SCUBE3: variants seen among roughly 807,000 people sequenced by gnomAD.
SCUBE3 encodes signal peptide, CUB and EGF-like domain-containing protein 3.
Under a neutral mutation model 116.8 loss-of-function variants are expected in SCUBE3, and 33 were observed. The observed-to-expected ratio is 0.28, with a 90% CI of 0.21 to 0.38. SCUBE3 has a LOEUF of 0.38. Among genes scored for constraint, SCUBE3 ranks in the 10% least tolerant of loss-of-function variants. SCUBE3 has a pLI of 1.00. For synonymous variants in SCUBE3, 418 were observed against 496.9 expected, an observed-to-expected ratio of 0.84 and a Z score of 2.11; for missense variants, 1,007 against 1,324.8, an observed-to-expected ratio of 0.76 and a Z score of 3.72.
chr6:35,226,753 C>G (rs940928844), intron 1 of SCUBE3, among the ~76,000 whole-genome samples: 1 of 152,156 alleles, frequency 6.6e-6, no homozygotes, highest in Admixed American at 6.5e-5. Flanking sequence ...GCTGGGATTA[C>G]AGGCATGAGC....
rs1004317905 is a variant in SCUBE3 at position 35,239,238 on chromosome 6, C to T, written c.830-514C>T. The stretch of plus-strand genomic sequence containing the variant: ...CCTGGAGGTCCTCCCTGCCTGGCCT[C>T]TTTCCCAGCTCCTCCTCCTCCCTAA... On this transcript the variant is annotated intron_variant, in intron 7 of 21. Transcript: ENST00000274938. This position sits in a 1 kb window ranked among gnomAD's most constrained non-coding sequence, Gnocchi z 4.1. Among the ~76,000 whole-genome samples, 1 of 152,162 alleles carries T rather than the reference C, an allele frequency of 6.6e-6. No individual in the cohort carries two copies. The highest frequency in any genetic ancestry group is 2.4e-5 in the African/African-American group (1 of 41,438).
Position 35,214,572 on chromosome 6 carries a change from C to T in SCUBE3, c.85+69C>T. 9.8e-7 allele frequency: 1 copy of T among 1,022,748 alleles called. No individual in the cohort carries two copies. The highest frequency in any genetic ancestry group is 1.3e-6 in the Non-Finnish European group (1 of 749,952). 63.4% of individuals were successfully genotyped at this position (1,022,748 alleles called of 1,614,324 possible). A position where few individuals can be genotyped will look rare whatever the true frequency, so the allele number is the denominator to read the frequency against. On this transcript the variant is annotated intron_variant, in intron 1 of 21. Coordinates refer to ENST00000274938, the MANE Select transcript of SCUBE3 (RefSeq NM_152753.4). The surrounding 1 kb of genome is among the most constrained non-coding windows in gnomAD (Gnocchi z 6.3). ...TGGGCCTCAGGGCCTAGGAGCGATTCCCGAGGGGCAGGGCAGGTGCTGGGG... is the reference window on the plus strand; with the variant it reads ...TGGGCCTCAGGGCCTAGGAGCGATTTCCGAGGGGCAGGGCAGGTGCTGGGG...
rs1305189816 is a variant in SCUBE3 at position 35,235,356 on chromosome 6, G to A, written c.712+2055G>A. 1.9e-6 allele frequency: 1 copy of A among 522,370 alleles called. No individual in the cohort carries two copies. The highest frequency in any genetic ancestry group is 1.5e-5 in the South Asian group (1 of 64,690). 32.4% of individuals were successfully genotyped at this position (522,370 alleles called of 1,614,324 possible). A position where few individuals can be genotyped will look rare whatever the true frequency, so the allele number is the denominator to read the frequency against. Reference sequence around the variant, plus strand: ...GGGGCTACTGGTTTGGGCTGGCAGTGGGGAGGAGAGGGTGGGGAGGGGTCC... The same window carrying A: ...GGGGCTACTGGTTTGGGCTGGCAGTAGGGAGGAGAGGGTGGGGAGGGGTCC... On this transcript the variant is annotated intron_variant, in intron 6 of 21. Coordinates refer to ENST00000274938, the MANE Select transcript of SCUBE3 (RefSeq NM_152753.4). The surrounding 1 kb of genome is among the most constrained non-coding windows in gnomAD (Gnocchi z 4.5).
Position 35,248,728 on chromosome 6 carries a change from AT to A in SCUBE3, c.*29del. On this transcript the variant is annotated 3_prime_UTR_variant, in exon 22 of 22. Transcript: ENST00000274938. The stretch of plus-strand genomic sequence containing the variant: ...TAGTAACCCTAGGCTCAGAGACCCA[AT>A]TTTTTAAGCCCCCAGACTCCTTAGC... 6.2e-7 allele frequency: 1 copy of A among 1,610,694 alleles called. No individual in the cohort carries two copies.
Position 35,214,402 on chromosome 6 carries a change from C to A in SCUBE3, c.-17C>A. 1.4e-6 allele frequency: 2 copies of A among 1,426,406 alleles called. No individual in the cohort carries two copies. The highest frequency in any genetic ancestry group is 1.4e-5 in the South Asian group (1 of 71,542). 88.4% of individuals were successfully genotyped at this position (1,426,406 alleles called of 1,614,324 possible). A position where few individuals can be genotyped will look rare whatever the true frequency, so the allele number is the denominator to read the frequency against. On this transcript the variant is annotated 5_prime_UTR_variant, in exon 1 of 22. Transcript: ENST00000274938. The surrounding 1 kb of genome is among the most constrained non-coding windows in gnomAD (Gnocchi z 6.3). Reference sequence around the variant, plus strand: ...GCGAGACCGGCCCCGGCGGCTGGGCCGCCAGTAGCTCCAGCCATGGGCTCG... The same window carrying A: ...GCGAGACCGGCCCCGGCGGCTGGGCAGCCAGTAGCTCCAGCCATGGGCTCG...
At chr6:35,217,263 G>GGGGGT (rs1782957391) in intron 1 of SCUBE3, among the ~76,000 whole-genome samples, 2 of 101,412 alleles carry the variant, frequency 2.0e-5, no homozygotes, top group Admixed American at 9.0e-5. Flanking sequence ...CGGGGGGGGG[G>GGGGGT]GTGTGTGCAG....
At chr6:35,247,299 G>T (rs879854925) in intron 21 of SCUBE3, among the ~76,000 whole-genome samples, 10 of 151,980 alleles carry the variant, frequency 6.6e-5, no homozygotes, top group Non-Finnish European at 1.5e-4. Context: ...TTAGCTGGGT[G>T]TGGTGGCGGG....
chr6:35,248,287 T>C (rs1351356574), intron 21 of SCUBE3, among the ~76,000 whole-genome samples: 1 of 152,068 alleles, frequency 6.6e-6, no homozygotes. Context: ...GTAGAGTCAA[T>C]AGGATTTGCT....
At position 35,245,512 on chromosome 6, in the gene SCUBE3, A is replaced by T; in HGVS notation, c.2599+87A>T. The T allele has an allele frequency of 8.9e-7, 1 of 1,128,762 alleles. No homozygotes were observed. Among genetic ancestry groups the T allele is most frequent in the Non-Finnish European group, 1.3e-6 (1 of 748,610 alleles). The allele number at this position is 1,128,762 out of a possible 1,614,324, so 69.9% of individuals were successfully genotyped here. On this transcript the variant is annotated intron_variant, in intron 19 of 21. Coordinates refer to ENST00000274938, the MANE Select transcript of SCUBE3 (RefSeq NM_152753.4). The surrounding 1 kb of genome is among the most constrained non-coding windows in gnomAD (Gnocchi z 4.2). ...AAAGAGAGAGACTGATACAGGAAGA[A>T]ATGGGGCAGTGAAGTTAGGGATCTA...
rs766140222 is a variant in SCUBE3, at chr6:35,246,012, C to T, written c.2668C>T (p.Arg890Cys). 1.4e-5 allele frequency: 22 copies of T among 1,613,982 alleles called. No individual in the cohort carries two copies. Among genetic ancestry groups the T allele is most frequent in the South Asian group, 7.7e-5 (7 of 91,080 alleles). Residue 890 changes from arginine to cysteine, a missense_variant, in exon 20 of 22, where the codon CGT (arginine) becomes TGT (cysteine). By Grantham distance (180) the Arg-to-Cys change is radical. Transcript: ENST00000274938. ...TYERPIAFTA[R>C]SRKLWINFKT... The stretch of plus-strand genomic sequence containing the variant: ...CGAGCGTCCCATTGCCTTCACTGCC[C>T]GTTCCAGGAAGCTCTGGATCAACTT...
intron 6 of SCUBE3, among the ~76,000 whole-genome samples, chr6:35,236,229 G>A (rs1783764333): frequency 6.6e-6 from 1 of 152,192 alleles, no homozygotes; most frequent in Non-Finnish European, 1.5e-5. Flanking sequence ...AGAGCAAAGG[G>A]GTGAGACTAT....
rs1427306150 is a variant in SCUBE3 at position 35,227,684 on chromosome 6, GACGGCAAAC to G, written c.193_201del (p.Gly65_His67del). 6.2e-7 allele frequency: 1 copy of G among 1,614,190 alleles called. No homozygotes were observed. Among genetic ancestry groups the G allele is most frequent in the Non-Finnish European group, 8.5e-7 (1 of 1,180,022 alleles). ...CATCTGCAAGTCTGGCTACACAGGG[GACGGCAAAC>G]ACTGCAAAGGTGAGGCTGGAAGGGC... On this transcript the variant is annotated inframe_deletion, in exon 2 of 22. Transcript: ENST00000274938.
chr6:35,214,628 C>A lies in SCUBE3; in HGVS notation c.85+125C>A. 1 of 533,078 alleles carries A rather than the reference C, an allele frequency of 1.9e-6. No homozygotes were observed. Among genetic ancestry groups the A allele is most frequent in the South Asian group, 6.5e-5 (1 of 15,450 alleles). 33.0% of individuals were successfully genotyped at this position (533,078 alleles called of 1,614,324 possible). A position where few individuals can be genotyped will look rare whatever the true frequency, so the allele number is the denominator to read the frequency against. Reference sequence around the variant, plus strand: ...GCTGCTGTCAGAACCCGGCTCTGTGCACCCGGACTCCCCGGCCAGGGGCCC... The same window carrying A: ...GCTGCTGTCAGAACCCGGCTCTGTGAACCCGGACTCCCCGGCCAGGGGCCC... On this transcript the variant is annotated intron_variant, in intron 1 of 21. Transcript: ENST00000274938. This position sits in a 1 kb window ranked among gnomAD's most constrained non-coding sequence, Gnocchi z 6.3.
chr6:35,215,721 C>T (rs919121280), intron 1 of SCUBE3, among the ~76,000 whole-genome samples: 1 of 152,136 alleles, frequency 6.6e-6, no homozygotes, highest in African/African-American at 2.4e-5. Context: ...TCAATGCCGC[C>T]CTCCTCTCCC....
At chr6:35,220,045 G>C (rs1783064595) in intron 1 of SCUBE3, among the ~76,000 whole-genome samples, 1 of 152,182 alleles carries the variant, frequency 6.6e-6, no homozygotes, top group African/African-American at 2.4e-5. Flanking sequence ...TCCCACTGCT[G>C]ATTTCCTCCC....
intron 6 of SCUBE3, among the ~76,000 whole-genome samples, chr6:35,236,841 A>C (rs889547122): frequency 2.0e-5 from 3 of 152,216 alleles, no homozygotes. Flanking sequence ...AGTCACCCCA[A>C]GAGGACAGTA....
intron 1 of SCUBE3, among the ~76,000 whole-genome samples, chr6:35,225,283 G>T (rs1783282117): frequency 6.6e-6 from 1 of 152,222 alleles, no homozygotes; most frequent in Non-Finnish European, 1.5e-5. Context: ...CCCTAGAGAA[G>T]GGTAGAGCTG....
At position 35,241,787 on chromosome 6, in the gene SCUBE3, G is replaced by T; in HGVS notation, c.1313-19G>T. On this transcript the variant is annotated intron_variant, in intron 11 of 21. Coordinates refer to ENST00000274938, the MANE Select transcript of SCUBE3 (RefSeq NM_152753.4). The surrounding 1 kb of genome is among the most constrained non-coding windows in gnomAD (Gnocchi z 4.1). Reference sequence around the variant, plus strand: ...GGTTGGGAAGGCAGGTCAGAACTGTGACAGGCTCCTTTTCTCAGAGTCTGA... The same window carrying T: ...GGTTGGGAAGGCAGGTCAGAACTGTTACAGGCTCCTTTTCTCAGAGTCTGA... The T allele has an allele frequency of 6.2e-7, 1 of 1,600,526 alleles. No homozygotes were observed. The highest frequency in any genetic ancestry group is 8.6e-7 in the Non-Finnish European group (1 of 1,167,764).
At position 35,235,560 on chromosome 6, in the gene SCUBE3, C is replaced by A; in HGVS notation, c.712+2259C>A. Reference sequence around the variant, plus strand: ...TAGGGGAAGGGCTAACCCGCTGGGGCTCCCACTAACTGCATGCCCACTGGG... The same window carrying A: ...TAGGGGAAGGGCTAACCCGCTGGGGATCCCACTAACTGCATGCCCACTGGG... On this transcript the variant is annotated intron_variant, in intron 6 of 21. Coordinates refer to ENST00000274938, the MANE Select transcript of SCUBE3 (RefSeq NM_152753.4). This position sits in a 1 kb window ranked among gnomAD's most constrained non-coding sequence, Gnocchi z 4.5. 1.1e-6 allele frequency: 1 copy of A among 873,962 alleles called. No individual in the cohort carries two copies. The highest frequency in any genetic ancestry group is 1.6e-6 in the Non-Finnish European group (1 of 609,828). The allele number at this position is 873,962 out of a possible 1,614,324, so 54.1% of individuals were successfully genotyped here. A position where few individuals can be genotyped will look rare whatever the true frequency, so the allele number is the denominator to read the frequency against.
Sources: gnomAD v4.1 joint callset for allele counts (sites outside exome capture counted in the v4.1 genomes callset) on GRCh38, gnomAD v4.1.1 for gene constraint, Gnocchi (gnomAD v3.1) non-coding constraint, MANE v1.5 for transcripts, NCBI Gene and HGNC (gene_info 2026-07-23, HGNC 2026-07-21) for gene names.